The following TRAK1 variants were observed in gnomAD, a reference collection of about 807,000 sequenced individuals.
TRAK1 encodes the protein trafficking kinesin-binding protein 1.
TRAK1 carries 33 observed loss-of-function variants against 92.1 expected under a neutral mutation model. The observed-to-expected ratio is 0.36, with a 90% CI of 0.27 to 0.48. The LOEUF is 0.48. Ranked by LOEUF, TRAK1 falls within the 20% of genes least tolerant of loss-of-function variation. The probability of loss-of-function intolerance (pLI) is 0.99; values close to 1 mark genes in which losing one functional copy is unlikely to be tolerated. For missense variants in TRAK1, 1,123 were observed against 1,257.9 expected, an observed-to-expected ratio of 0.89 and a Z score of 1.62; for synonymous variants, 521 against 517.3, an observed-to-expected ratio of 1.01 and a Z score of -0.10.
intron 2 of TRAK1, among the ~76,000 whole-genome samples, chr3:42,142,216 A>G (rs546814320): frequency 6.6e-6 from 1 of 152,314 alleles, no homozygotes; most frequent in East Asian, 1.9e-4. Flanking sequence ...CCAGGTGGAC[A>G]TTATCTTTGG....
intron 2 of TRAK1, among the ~76,000 whole-genome samples, chr3:42,153,075 T>C (rs1700123950): frequency 6.6e-6 from 1 of 152,158 alleles, no homozygotes; most frequent in Non-Finnish European, 1.5e-5. Context: ...ATAGTACTAG[T>C]TATTAAGGCC....
chr3:42,201,156 T>G, intron 12 of TRAK1, 102 bp downstream of exon 12: 1 of 1,270,194 alleles, frequency 7.9e-7, no homozygotes, highest in African/African-American at 1.5e-5. Context: ...TAGATGAGAG[T>G]CACCTGAAAA....
chr3:42,046,718 G>C (rs1702765967), intron 1 of TRAK1, among the ~76,000 whole-genome samples: 1 of 152,242 alleles, frequency 6.6e-6, no homozygotes, highest in Non-Finnish European at 1.5e-5. Context: ...AGAAGGCACA[G>C]TGTCTGCTAG....
chr3:42,163,525 G>A (rs1014241468), intron 2 of TRAK1, among the ~76,000 whole-genome samples: 6 of 150,914 alleles, frequency 4.0e-5, no homozygotes, highest in South Asian at 2.1e-4. Flanking sequence ...CCAAGATCGC[G>A]CCACTGCACT....
At position 42,202,902 on chromosome 3, in the gene TRAK1, G is replaced by C. The variant is rs1051582383; in HGVS notation, c.1744+150G>C. ...GCGCTGCTGGTTTGAGTTCCTCTGA[G>C]GGTGGTGCTCAGCCTAGGCCTCCGT... On this transcript the variant is annotated intron_variant, in intron 13 of 15. Transcript: ENST00000327628. This position sits in a 1 kb window ranked among gnomAD's most constrained non-coding sequence, Gnocchi z 6.1. 1 of 1,447,540 alleles carries C rather than the reference G, an allele frequency of 6.9e-7. No individual in the cohort carries two copies. Among genetic ancestry groups the C allele is most frequent in the Admixed American group, 2.5e-5 (1 of 40,796 alleles). 89.7% of individuals were successfully genotyped at this position (1,447,540 alleles called of 1,614,324 possible). A position where few individuals can be genotyped will look rare whatever the true frequency, so the allele number is the denominator to read the frequency against.
intron 1 of TRAK1, among the ~76,000 whole-genome samples, chr3:42,034,308 T>C (rs1301275065): frequency 6.6e-6 from 1 of 152,134 alleles, no homozygotes; most frequent in Admixed American, 6.5e-5. Context: ...TTTAAAAAAT[T>C]TGAGACAGAG....
chr3:42,075,680 A>T (rs1228426272), intron 1 of TRAK1, among the ~76,000 whole-genome samples: 1 of 152,142 alleles, frequency 6.6e-6, no homozygotes, highest in African/African-American at 2.4e-5. Flanking sequence ...TTTAATAGCC[A>T]TTCTGACTAG....
chr3:42,015,129 G>A lies in TRAK1; in HGVS notation c.-519+1012G>A, dbSNP rs963976466. Reference sequence around the variant, plus strand: ...GGAGCTTGACTGGTAGGTTTGGAGAGTTGGACCTGGAGTGACAGATGGCGC... The same window carrying A: ...GGAGCTTGACTGGTAGGTTTGGAGAATTGGACCTGGAGTGACAGATGGCGC... On this transcript the variant is annotated intron_variant, in intron 1 of 16. Transcript: ENST00000487159. Among the ~76,000 whole-genome samples the A allele has an allele frequency of 2.6e-5, 4 of 152,320 alleles. No homozygotes were observed. In the South Asian group the frequency reaches 6.2e-4, roughly 24 times the overall value.
chr3:42,135,476 C>T (rs551649055), intron 2 of TRAK1, among the ~76,000 whole-genome samples: 1 of 152,270 alleles, frequency 6.6e-6, no homozygotes. Flanking sequence ...ACCTGTAATC[C>T]CAACACTTTG....
chr3:42,187,924 C>A, intron 4 of TRAK1, 121 bp from the exon 5 acceptor site: 2 of 808,662 alleles, frequency 2.5e-6, no homozygotes, highest in Non-Finnish European at 4.2e-6. Flanking sequence ...TAAATGCTTT[C>A]ACTTTCAATG....
intron 14 of TRAK1, chr3:42,217,760 A>G: frequency 1.0e-6 from 1 of 985,154 alleles, no homozygotes; most frequent in Non-Finnish European, 1.2e-6. Context: ...GTTATTTGGG[A>G]TGCTCTTCCC....
intron 1 of TRAK1, among the ~76,000 whole-genome samples, chr3:42,062,017 G>T (rs1490298191): frequency 6.6e-6 from 1 of 152,212 alleles, no homozygotes; most frequent in African/African-American, 2.4e-5. Flanking sequence ...GCTGCTTCTG[G>T]CTAAGGCTGC....
At position 42,025,723 on chromosome 3, in the gene TRAK1, TTCTC is replaced by T. The variant is rs971222305; in HGVS notation, c.-519+11612_-519+11615del. Among the ~76,000 whole-genome samples the T allele has an allele frequency of 1.7e-4, 26 of 152,110 alleles. 1 individual carries two copies. The highest frequency in any genetic ancestry group is 4.8e-5 in the African/African-American group (2 of 41,436). ...GGGACTGCTTCTCTTGCTGGCTGCC[TTCTC>T]TCTCTGGAGAATCTGCTGGAGAAGG... On this transcript the variant is annotated intron_variant, in intron 1 of 16. Coordinates refer to the TRAK1 transcript ENST00000487159.
chr3:42,183,568 A>AAAAAAAAAAAAAAAG (rs1553751625), intron 3 of TRAK1, among the ~76,000 whole-genome samples: 60 of 145,142 alleles, frequency 4.1e-4, no homozygotes, highest in Non-Finnish European at 7.5e-4. Context: ...AAAAAAAAAA[A>AAAAAAAAAAAAAAAG]AAAGAAAGAA....
intron 11 of TRAK1, among the ~76,000 whole-genome samples, chr3:42,199,625 T>A (rs546768354): frequency 9.9e-5 from 15 of 152,226 alleles, no homozygotes; most frequent in African/African-American, 1.2e-4. Flanking sequence ...CCAGCTAATT[T>A]AAAAAAATCT....
At position 42,114,721 on chromosome 3, in the gene TRAK1, CT is replaced by C. The variant is rs58651569; in HGVS notation, c.92-10690del. Reference sequence around the variant, plus strand: ...CATGTAACATACTTAATTTTTTTTTCTTTTTTTTTGAGACAGAGTCTCCCTC... The same window carrying C: ...CATGTAACATACTTAATTTTTTTTTCTTTTTTTTGAGACAGAGTCTCCCTC... On this transcript the variant is annotated intron_variant, in intron 1 of 15. Transcript: ENST00000327628. Among the ~76,000 whole-genome samples, 452 of 150,466 alleles carry C rather than the reference CT, an allele frequency of 3.0e-3. 2 individuals are homozygous for C. The highest frequency in any genetic ancestry group is 0.011 in the African/African-American group (432 of 41,010).
At chr3:42,104,669 A>T (rs927029432) in intron 1 of TRAK1, among the ~76,000 whole-genome samples, 2 of 152,214 alleles carry the variant, frequency 1.3e-5, no homozygotes, top group Admixed American at 6.5e-5. Context: ...AACAGAAAGG[A>T]ATCCACACCA....
chr3:42,059,158 G>A (rs1435668727), intron 1 of TRAK1, among the ~76,000 whole-genome samples: 1 of 151,708 alleles, frequency 6.6e-6, no homozygotes, highest in Non-Finnish European at 1.5e-5. Flanking sequence ...GCAGTGGTGC[G>A]ATCATGGCTT....
chr3:42,173,698 A>G (rs965845657), intron 2 of TRAK1, among the ~76,000 whole-genome samples: 1 of 152,216 alleles, frequency 6.6e-6, no homozygotes, highest in Non-Finnish European at 1.5e-5. Context: ...TCTGCAATGC[A>G]GCCTCATTCT....
Sources: gnomAD v4.1 joint callset for allele counts (sites outside exome capture counted in the v4.1 genomes callset) on GRCh38, gnomAD v4.1.1 for gene constraint, Gnocchi (gnomAD v3.1) non-coding constraint, MANE v1.5 for transcripts, NCBI Gene and HGNC (gene_info 2026-07-23, HGNC 2026-07-21) for gene names.